TNRC6A: variants seen among roughly 807,000 people sequenced by gnomAD.
The protein encoded by TNRC6A is trinucleotide repeat containing adaptor 6A, also known as trinucleotide repeat-containing gene 6A protein.
Under a neutral mutation model 221.2 loss-of-function variants are expected in TNRC6A, and 44 were observed. The ratio of observed to expected loss-of-function variants is 0.20; its 90% confidence interval spans 0.16 to 0.26. The LOEUF is 0.26. TNRC6A is among the 10% of genes least tolerant of loss of function. TNRC6A has a pLI of 1.00. For synonymous variants in TNRC6A, 847 were observed against 838.5 expected (o/e 1.01, Z -0.18); for missense variants, 2,199 against 2,404.4 (o/e 0.91, Z 1.79).
chr16:24,666,929 G>A (rs1206361299), intron 2 of TNRC6A, among the ~76,000 whole-genome samples: 1 of 151,260 alleles, frequency 6.6e-6, no homozygotes, highest in Non-Finnish European at 1.5e-5. Context: ...CAGCCTGGCC[G>A]ATATGACGAA....
Position 24,818,631 on chromosome 16 carries a change from A to G in TNRC6A, c.5011A>G (p.Ser1671Gly). ...SSLNTTLPST[S>G]AWSSIRASNY... ...CTTGAACACCACGCTGCCTTCAACTAGTGCCTGGTCATCCATTCGTGCCTC... is the reference window on the plus strand; with the variant it reads ...CTTGAACACCACGCTGCCTTCAACTGGTGCCTGGTCATCCATTCGTGCCTC... Residue 1671 changes from serine to glycine, a missense_variant, in exon 21 of 25, where the codon AGT becomes GGT. Physicochemically the swap from Ser to Gly is moderately conservative, Grantham distance 56. Around this residue, in one of 8 missense-constraint regions of TNRC6A, gnomAD observed 449 missense variants for 579.7 expected, o/e 0.77. Coordinates refer to ENST00000395799, the MANE Select transcript of TNRC6A (RefSeq NM_014494.4). 6.2e-7 allele frequency: 1 copy of G among 1,614,116 alleles called. No individual in the cohort carries two copies. Among genetic ancestry groups the G allele is most frequent in the Non-Finnish European group, 8.5e-7 (1 of 1,180,010 alleles).
In TNRC6A at chr16:24,762,308, G is replaced by T. The variant is rs13335573; in HGVS notation, c.163+3948G>T. 4.7e-3 allele frequency among the ~76,000 whole-genome samples: 714 copies of T among 152,176 alleles called. 38 individuals are homozygous for T. The East Asian group carries it at 0.12, about 26-fold the overall frequency. The stretch of plus-strand genomic sequence containing the variant: ...TCAAACACAATGTTACTACATCTGG[G>T]TGATAAAAATATTCACTATCTATTA... On this transcript the variant is annotated intron_variant, in intron 4 of 24. Coordinates refer to ENST00000395799, the MANE Select transcript of TNRC6A (RefSeq NM_014494.4).
At chr16:24,617,722 G>A (rs980033548) in intron 1 of TNRC6A, among the ~76,000 whole-genome samples, 1 of 152,086 alleles carries the variant, frequency 6.6e-6, no homozygotes, top group Admixed American at 6.6e-5. Flanking sequence ...CATGTGCCTT[G>A]TAAGTGGTCA....
intron 2 of TNRC6A, among the ~76,000 whole-genome samples, chr16:24,652,749 G>T (rs1902743254): frequency 6.6e-6 from 1 of 152,140 alleles, no homozygotes; most frequent in Non-Finnish European, 1.5e-5. Flanking sequence ...TCCTCAACGT[G>T]CCTGTCTTTA....
intron 3 of TNRC6A, among the ~76,000 whole-genome samples, chr16:24,754,207 C>G (rs1335491122): frequency 6.6e-6 from 1 of 151,928 alleles, no homozygotes; most frequent in Non-Finnish European, 1.5e-5. Flanking sequence ...AATAAAAAGC[C>G]AGATAACACA....
intron 17 of TNRC6A, 53 bp from the exon 18 acceptor site, chr16:24,809,296 GA>G (rs1158618024): frequency 1.1e-5 from 16 of 1,415,480 alleles, no homozygotes; most frequent in Non-Finnish European, 1.4e-5. Context: ...TGTGCTACTA[GA>G]AAGAAAATGT....
chr16:24,788,932 G>A (rs2058033928), intron 5 of TNRC6A, among the ~76,000 whole-genome samples: 2 of 152,306 alleles, frequency 1.3e-5, no homozygotes, highest in South Asian at 2.1e-4. Flanking sequence ...ACAAGCGTGA[G>A]CCACCACGCC....
intron 18 of TNRC6A, among the ~76,000 whole-genome samples, chr16:24,812,532 C>CCATTGAG (rs772120768): frequency 3.7e-4 from 56 of 152,156 alleles, no homozygotes; most frequent in Non-Finnish European, 7.5e-4. Flanking sequence ...AGTAGTGGGT[C>CCATTGAG]CATTGAGCTT....
intron 2 of TNRC6A, among the ~76,000 whole-genome samples, chr16:24,721,738 T>C (rs2151092557): frequency 6.6e-6 from 1 of 152,120 alleles, no homozygotes; most frequent in South Asian, 2.1e-4. Flanking sequence ...GCCCGGGAAG[T>C]GGATTATTAT....
At chr16:24,784,386 C>A (rs1320533259) in intron 5 of TNRC6A, among the ~76,000 whole-genome samples, 2 of 152,150 alleles carry the variant, frequency 1.3e-5, no homozygotes, top group Non-Finnish European at 2.9e-5. Context: ...TGCAGTGGTG[C>A]AATCACAACT....
chr16:24,638,981 T>C (rs972051761), intron 1 of TNRC6A, among the ~76,000 whole-genome samples: 4 of 152,122 alleles, frequency 2.6e-5, no homozygotes, highest in Admixed American at 2.0e-4. Context: ...TTGGGCAACA[T>C]GTAAGATCTT....
chr16:24,792,404 CTT>C (rs747503112), intron 6 of TNRC6A, among the ~76,000 whole-genome samples: 3 of 151,818 alleles, frequency 2.0e-5, no homozygotes, highest in Non-Finnish European at 4.4e-5. Context: ...GCTACATTGT[CTT>C]TGTTAATAAA....
Position 24,758,347 on chromosome 16 carries a change from A to G in TNRC6A, c.150A>G (p.Glu50=). The change falls in exon 4 of 25, where the codon GAA becomes GAG. Residue 50 remains glutamate (E), a synonymous_variant. Transcript: ENST00000395799. The part of the protein sequence containing the change: ...KKEAAQKKAT[E]QKIKVPEQIK... ...GTTTGTTTTTATTTTAGGCCACTGA[A>G]CAAAAAATCAAAGGTACGTTGTTTA... 1 of 1,610,036 alleles carries G rather than the reference A, an allele frequency of 6.2e-7. No individual in the cohort carries two copies. Among genetic ancestry groups the G allele is most frequent in the Non-Finnish European group, 8.5e-7 (1 of 1,176,922 alleles).
chr16:24,702,247 T>C (rs188740867), intron 2 of TNRC6A, among the ~76,000 whole-genome samples: 1 of 151,268 alleles, frequency 6.6e-6, no homozygotes, highest in Non-Finnish European at 1.5e-5. Context: ...GCACAATCTT[T>C]CCTCACTGCA....
intron 2 of TNRC6A, among the ~76,000 whole-genome samples, chr16:24,692,264 T>C (rs764984238): frequency 1.3e-5 from 2 of 152,116 alleles, no homozygotes; most frequent in African/African-American, 4.8e-5. Flanking sequence ...CCTCTGGAGA[T>C]TGTAATTTTA....
At chr16:24,800,800 A>C (rs1365793403) in intron 11 of TNRC6A, among the ~76,000 whole-genome samples, 3 of 152,100 alleles carry the variant, frequency 2.0e-5, no homozygotes, top group Non-Finnish European at 4.4e-5. Context: ...AGTGCTGCTG[A>C]CCCACCAGGC....
intron 2 of TNRC6A, chr16:24,662,518 T>G (rs1406590536): frequency 6.6e-6 from 1 of 151,810 alleles, no homozygotes; most frequent in Non-Finnish European, 1.5e-5. Flanking sequence ...AATTAGATAA[T>G]TATAGAAGAG....
intron 2 of TNRC6A, among the ~76,000 whole-genome samples, chr16:24,711,197 A>G (rs2056199828): frequency 6.6e-6 from 1 of 151,822 alleles, no homozygotes; most frequent in South Asian, 2.1e-4. Flanking sequence ...TAGTAGAGAT[A>G]GGGTTTCACC....
At position 24,632,032 on chromosome 16, in the gene TNRC6A, T is replaced by A. The variant is rs183774597; in HGVS notation, n.277-8852T>A. On this transcript the variant is annotated intron_variant and non_coding_transcript_variant, in intron 1 of 2. Coordinates refer to the TNRC6A transcript ENST00000566108. ...CACCACCACACCCAGCTACTTTTTT[T>A]AATAGACAGGGTCCTGCTATATTGC... is the stretch of plus-strand genomic sequence containing the variant. Among the ~76,000 whole-genome samples, 629 of 151,930 alleles carry A rather than the reference T, an allele frequency of 4.1e-3. 5 individuals are homozygous for A. The highest frequency in any genetic ancestry group is 0.014 in the African/African-American group (578 of 41,426).
Sources: allele counts gnomAD v4.1 joint callset (sites outside exome capture counted in the v4.1 genomes callset), GRCh38; gene constraint gnomAD v4.1.1; regional missense constraint gnomAD v4.1.1; transcripts MANE v1.5; gene names NCBI Gene and HGNC (gene_info 2026-07-23, HGNC 2026-07-21).